The following SUCLG2 variants were observed in gnomAD, a reference collection of about 807,000 sequenced individuals.
SUCLG2 encodes succinate--CoA ligase [GDP-forming] subunit beta, mitochondrial.
A neutral mutation model predicts 47.9 loss-of-function variants in SUCLG2; 42 were observed. That is an observed-to-expected ratio of 0.88 (90% confidence interval 0.69 to 1.14). SUCLG2 has a LOEUF of 1.14. Ranked by LOEUF, SUCLG2 falls within the 50% of genes most tolerant of loss-of-function variation. SUCLG2 has a pLI of 0.00. For synonymous variants in SUCLG2, 195 were observed against 197.3 expected (o/e 0.99, Z 0.10); for missense variants, 571 against 525.9 (o/e 1.09, Z -0.84).
At chr3:67,386,863 AG>A (rs1189926344) in intron 10 of SUCLG2, among the ~76,000 whole-genome samples, 1 of 152,192 alleles carries the variant, frequency 6.6e-6, no homozygotes, top group Non-Finnish European at 1.5e-5. Flanking sequence ...AATTCCCTGG[AG>A]ACCTTCTCAA....
chr3:67,373,295 G>A (rs1488837686), downstream of SUCLG2, among the ~76,000 whole-genome samples: 2 of 151,596 alleles, frequency 1.3e-5, no homozygotes, highest in East Asian at 1.9e-4. Context: ...AAAACTGAGA[G>A]GAAGAGACAT....
rs903563514 is a variant in SUCLG2 at position 67,449,819 on chromosome 3, G to T, written c.1062+45979C>A. 7.9e-5 allele frequency among the ~76,000 whole-genome samples: 12 copies of T among 151,906 alleles called. 1 individual carries two copies. Among genetic ancestry groups the T allele is most frequent in the Admixed American group, 3.9e-4 (6 of 15,254 alleles). ...AGTAGAGATGTGGTTTTGCCATGTT[G>T]GCCAGGCTGATCTTGAACTCCTGGC... On this transcript the variant is annotated intron_variant, in intron 9 of 10. Coordinates refer to ENST00000307227, the MANE Select transcript of SUCLG2 (RefSeq NM_003848.4).
At chr3:67,535,727 G>C (rs11929213) in intron 2 of SUCLG2, among the ~76,000 whole-genome samples, 85,507 of 151,868 alleles carry the variant, frequency 0.56, 24,850 homozygotes, top group Admixed American at 0.64. Context: ...CAAACAGCTG[G>C]ACACAATGCA....
intron 1 of SUCLG2, among the ~76,000 whole-genome samples, chr3:67,612,083 G>A (rs1304307611): frequency 6.6e-6 from 1 of 152,218 alleles, no homozygotes; most frequent in East Asian, 1.9e-4. Flanking sequence ...GTGTGGGCAG[G>A]CGCAGTGGTT....
rs1180782802 is a variant in SUCLG2 at position 67,444,098 on chromosome 3, G to A, written c.1063-43247C>T. Among the ~76,000 whole-genome samples the A allele has an allele frequency of 9.5e-4, 98 of 102,834 alleles. 5 individuals are homozygous for A. The highest frequency in any genetic ancestry group is 1.6e-3 in the Non-Finnish European group (74 of 47,406). 67.5% of individuals were successfully genotyped at this position (102,834 alleles called of 152,430 possible). A position where few individuals can be genotyped will look rare whatever the true frequency, so the allele number is the denominator to read the frequency against. Reference sequence around the variant, plus strand: ...CCCCGCCTGGCCAGCCGCGCCGTCCGGGAGGGAGGTGGGGGGGTCAGCCCC... The same window carrying A: ...CCCCGCCTGGCCAGCCGCGCCGTCCAGGAGGGAGGTGGGGGGGTCAGCCCC... On this transcript the variant is annotated intron_variant, in intron 9 of 10. Coordinates refer to ENST00000307227, the MANE Select transcript of SUCLG2 (RefSeq NM_003848.4).
chr3:67,547,240 G>A (rs369009046), intron 2 of SUCLG2, among the ~76,000 whole-genome samples: 4 of 152,034 alleles, frequency 2.6e-5, no homozygotes, highest in African/African-American at 7.2e-5. Flanking sequence ...AAGCAGGCTC[G>A]CCTCAGACAC....
chr3:67,525,268 T>C (rs2107139396), intron 4 of SUCLG2, among the ~76,000 whole-genome samples: 1 of 152,250 alleles, frequency 6.6e-6, no homozygotes, highest in East Asian at 1.9e-4. Flanking sequence ...TTCGTAAAGA[T>C]AAAATTGTTC....
rs1378634256 is a variant in SUCLG2, at chr3:67,375,080, T to G, written c.*664A>C. On this transcript the variant is annotated 3_prime_UTR_variant, in exon 11 of 11. Transcript: ENST00000307227. ...ATAAGGCTTCTGGTTTTCTTTTTAG[T>G]GTGAGGTAAACAGTATATTCAATAT... 2.0e-6 allele frequency: 2 copies of G among 985,650 alleles called. No individual in the cohort carries two copies. Among genetic ancestry groups the G allele is most frequent in the Non-Finnish European group, 2.4e-6 (2 of 829,888 alleles). The allele number at this position is 985,650 out of a possible 1,614,324, so 61.1% of individuals were successfully genotyped here.
At chr3:67,380,325 C>T (rs894046607) in intron 10 of SUCLG2, among the ~76,000 whole-genome samples, 1 of 151,972 alleles carries the variant, frequency 6.6e-6, no homozygotes, top group African/African-American at 2.4e-5. Context: ...CTTCAAGTGC[C>T]CCAGTCAAGT....
At chr3:67,614,361 C>T (rs1264700195) in intron 1 of SUCLG2, among the ~76,000 whole-genome samples, 2 of 151,724 alleles carry the variant, frequency 1.3e-5, no homozygotes, top group African/African-American at 4.8e-5. Flanking sequence ...CTCCAGGTCT[C>T]TCCAGACAGC....
chr3:67,622,157 C>G (rs533893579), intron 1 of SUCLG2, among the ~76,000 whole-genome samples: 1 of 152,274 alleles, frequency 6.6e-6, no homozygotes, highest in African/African-American at 2.4e-5. Context: ...TTGGCCTATC[C>G]AATGGAATAC....
chr3:67,552,067 A>G (rs1306791501), intron 2 of SUCLG2, among the ~76,000 whole-genome samples: 1 of 151,968 alleles, frequency 6.6e-6, no homozygotes, highest in Non-Finnish European at 1.5e-5. Flanking sequence ...CCCAGTATCA[A>G]ATATGACCAG....
At chr3:67,612,039 A>G (rs558384717) in intron 1 of SUCLG2, among the ~76,000 whole-genome samples, 52 of 152,274 alleles carry the variant, frequency 3.4e-4, no homozygotes, top group African/African-American at 1.1e-3. Flanking sequence ...CTAAAACTTC[A>G]AGACAACTCC....
At chr3:67,607,109 G>A (rs1046544140) in intron 2 of SUCLG2, among the ~76,000 whole-genome samples, 5 of 152,146 alleles carry the variant, frequency 3.3e-5, no homozygotes, top group East Asian at 1.9e-4. Context: ...AGTAGCAGAC[G>A]CACAACTCTT....
chr3:67,386,153 A>C (rs1702252839), intron 10 of SUCLG2, among the ~76,000 whole-genome samples: 2 of 152,148 alleles, frequency 1.3e-5, no homozygotes, highest in South Asian at 4.2e-4. Context: ...CAGTGGCGCG[A>C]TCTCGGCTCA....
intron 9 of SUCLG2, among the ~76,000 whole-genome samples, chr3:67,430,961 T>C (rs562331870): frequency 3.5e-4 from 54 of 152,260 alleles, no homozygotes; most frequent in African/African-American, 1.2e-3. Context: ...TAATAATTAA[T>C]AGCCTACCAA....
chr3:67,408,522 A>C, intron 9 of SUCLG2: 2 of 697,630 alleles, frequency 2.9e-6, no homozygotes, highest in Non-Finnish European at 3.5e-6. Context: ...CATCTTATGG[A>C]GAGATCCTCT....
chr3:67,592,810 T>C (rs1199105876), intron 2 of SUCLG2, among the ~76,000 whole-genome samples: 1 of 151,162 alleles, frequency 6.6e-6, no homozygotes, highest in Non-Finnish European at 1.5e-5. Flanking sequence ...ATATTGTTTC[T>C]ACCACACCAG....
chr3:67,372,168 T>C (rs1160894784), downstream of SUCLG2, among the ~76,000 whole-genome samples: 1 of 152,198 alleles, frequency 6.6e-6, no homozygotes, highest in Non-Finnish European at 1.5e-5. Flanking sequence ...GATGACTATA[T>C]GTTGGACGGC....
Sources: gnomAD v4.1 joint callset for allele counts (sites outside exome capture counted in the v4.1 genomes callset) on GRCh38, gnomAD v4.1.1 for gene constraint, MANE v1.5 for transcripts, NCBI Gene and HGNC (gene_info 2026-07-23, HGNC 2026-07-21) for gene names.